Variants in AKAP19 observed in about 807,000 individuals in gnomAD.
AKAP19 encodes small A-kinase anchoring protein.
the AKAP19 span, among the ~76,000 whole-genome samples, chr2:190,172,291 G>A: frequency 6.6e-6 from 1 of 151,890 alleles, no homozygotes; most frequent in East Asian, 1.9e-4. Context: ...CCACTATTAT[G>A]CATTTACTAG....
chr2:190,196,015 G>GTGGTT, the AKAP19 span, among the ~76,000 whole-genome samples: 1 of 134,846 alleles, frequency 7.4e-6, no homozygotes, highest in African/African-American at 2.7e-5. Context: ...CTATGTATGT[G>GTGGTT]TGGTTTGGAT....
At chr2:190,180,280 G>A in the AKAP19 span, among the ~76,000 whole-genome samples, 1 of 152,158 alleles carries the variant, frequency 6.6e-6, no homozygotes, top group African/African-American at 2.4e-5. This position sits in a 1 kb window ranked among gnomAD's most constrained non-coding sequence, Gnocchi z 6.8. Flanking sequence ...CCCTTAGCTG[G>A]GAAGGCCGCG....
chr2:190,172,919 C>A, the AKAP19 span, among the ~76,000 whole-genome samples: 81 of 152,158 alleles, frequency 5.3e-4, no homozygotes, highest in Middle Eastern at 3.4e-3. Flanking sequence ...TGGAAACCAG[C>A]CTGCCCAAAA....
chr2:190,156,278 G>T, the AKAP19 span, among the ~76,000 whole-genome samples: 1 of 152,100 alleles, frequency 6.6e-6, no homozygotes. Flanking sequence ...TGGAAAAAAA[G>T]TATTAATATA....
chr2:190,052,342 T>G, the AKAP19 span, among the ~76,000 whole-genome samples: 1 of 152,204 alleles, frequency 6.6e-6, no homozygotes, highest in African/African-American at 2.4e-5. Flanking sequence ...ATTGTTTCCA[T>G]GTAACAATTT....
chr2:190,191,907 G>A, the AKAP19 span, among the ~76,000 whole-genome samples: 392 of 147,364 alleles, frequency 2.7e-3, 3 homozygotes, highest in Non-Finnish European at 4.4e-3. Context: ...TATATTTGCT[G>A]TTTTTTTTTC....
the AKAP19 span, among the ~76,000 whole-genome samples, chr2:190,110,031 A>G: frequency 2.6e-5 from 4 of 152,244 alleles, no homozygotes; most frequent in African/African-American, 9.6e-5. Context: ...AGGGTGAGAG[A>G]GTTTGTATTT....
At chr2:190,053,149 A>G in the AKAP19 span, among the ~76,000 whole-genome samples, 1 of 152,210 alleles carries the variant, frequency 6.6e-6, no homozygotes, top group East Asian at 1.9e-4. Context: ...ACAGTTCCAT[A>G]TCAGGAGTAC....
At chr2:189,982,653 T>A in the AKAP19 span, among the ~76,000 whole-genome samples, 2 of 128,068 alleles carry the variant, frequency 1.6e-5, no homozygotes, top group African/African-American at 6.0e-5. Flanking sequence ...GTTGTTTGGA[T>A]GGAACCTTAA....
At chr2:190,015,833 C>A in the AKAP19 span, among the ~76,000 whole-genome samples, 1 of 152,154 alleles carries the variant, frequency 6.6e-6, no homozygotes, top group Non-Finnish European at 1.5e-5. Context: ...CCGCCAGATA[C>A]CCTAAATCAT....
the AKAP19 span, among the ~76,000 whole-genome samples, chr2:189,897,711 G>A: frequency 4.6e-5 from 7 of 152,212 alleles, no homozygotes; most frequent in South Asian, 1.2e-3. Context: ...ACTTAGGTTG[G>A]TTAAGTTTTA....
chr2:190,055,107 A>C, the AKAP19 span, among the ~76,000 whole-genome samples: 1 of 152,164 alleles, frequency 6.6e-6, no homozygotes, highest in African/African-American at 2.4e-5. Flanking sequence ...GACTGGATTA[A>C]GAAAATGTGG....
chr2:190,042,524 C>G, the AKAP19 span, among the ~76,000 whole-genome samples: 1 of 151,712 alleles, frequency 6.6e-6, no homozygotes. Context: ...CAGTTCAGCT[C>G]TGATTTTTGT....
chr2:190,053,208 T>C, the AKAP19 span, among the ~76,000 whole-genome samples: 1 of 152,194 alleles, frequency 6.6e-6, no homozygotes, highest in East Asian at 1.9e-4. Context: ...TTATAAGTTA[T>C]CTTATTAAGG....
the AKAP19 span, among the ~76,000 whole-genome samples, chr2:190,012,100 A>G: frequency 6.6e-6 from 1 of 151,930 alleles, no homozygotes; most frequent in Admixed American, 6.6e-5. Context: ...TATGTCTTCA[A>G]TTTTTCTCAT....
chr2:190,157,079 T>G, the AKAP19 span, among the ~76,000 whole-genome samples: 1 of 152,112 alleles, frequency 6.6e-6, no homozygotes, highest in Non-Finnish European at 1.5e-5. Flanking sequence ...ATCAATTCGG[T>G]TCTTATTAAG....
chr2:189,919,958 A>T, the AKAP19 span, among the ~76,000 whole-genome samples: 1 of 152,192 alleles, frequency 6.6e-6, no homozygotes, highest in Non-Finnish European at 1.5e-5. Context: ...CTACACACAC[A>T]AACATTCTGA....
At chr2:189,929,138 C>A in the AKAP19 span, among the ~76,000 whole-genome samples, 1 of 152,138 alleles carries the variant, frequency 6.6e-6, no homozygotes, top group Non-Finnish European at 1.5e-5. Flanking sequence ...GTGAAACACA[C>A]TTTTTGCTTC....
chr2:190,173,292 T>C, the AKAP19 span, among the ~76,000 whole-genome samples: 1 of 152,126 alleles, frequency 6.6e-6, no homozygotes, highest in Non-Finnish European at 1.5e-5. Flanking sequence ...TATTCGTACA[T>C]AGATAGTTTC....
Sources: allele counts gnomAD v4.1 joint callset (sites outside exome capture counted in the v4.1 genomes callset), GRCh38; gene constraint gnomAD v4.1.1; non-coding constraint Gnocchi (gnomAD v3.1); transcripts MANE v1.5; gene names NCBI Gene and HGNC (gene_info 2026-07-23, HGNC 2026-07-21).